CPVL: variants seen among roughly 807,000 people sequenced by gnomAD.
CPVL encodes the protein probable serine carboxypeptidase CPVL.
A neutral mutation model predicts 63.7 loss-of-function variants in CPVL; 51 were observed. That is an observed-to-expected ratio of 0.80 (90% confidence interval 0.64 to 1.01). The LOEUF (loss-of-function observed/expected upper bound fraction) is 1.01. CPVL is among the 50% of genes least tolerant of loss of function. CPVL has a pLI of 0.00. For missense variants in CPVL, 530 were observed against 573.1 expected (o/e 0.92, Z 0.77); for synonymous variants, 195 against 206.0 (o/e 0.95, Z 0.46).
intron 2 of CPVL, among the ~76,000 whole-genome samples, chr7:29,118,274 C>T (rs1198695350): frequency 6.6e-6 from 1 of 152,216 alleles, no homozygotes; most frequent in Non-Finnish European, 1.5e-5. Flanking sequence ...TTGGTTATAA[C>T]AATTACTTAA....
upstream of CPVL, among the ~76,000 whole-genome samples, chr7:29,149,117 T>A (rs1793202562): frequency 6.6e-6 from 1 of 151,260 alleles, no homozygotes; most frequent in East Asian, 1.9e-4. Flanking sequence ...GGAGCCAGCT[T>A]GGAAAGGGCA....
chr7:29,107,625 G>A (rs905476114), intron 3 of CPVL, among the ~76,000 whole-genome samples: 3 of 152,168 alleles, frequency 2.0e-5, no homozygotes, highest in Admixed American at 6.5e-5. Flanking sequence ...GGACCACTGT[G>A]GAGCACATTA....
chr7:29,079,422 G>T (rs1784496998), intron 7 of CPVL, among the ~76,000 whole-genome samples: 2 of 152,102 alleles, frequency 1.3e-5, no homozygotes, highest in Non-Finnish European at 2.9e-5. Context: ...TTTCTGGCTG[G>T]GTGACCTTGG....
chr7:29,168,990 A>G (rs2128722040), intron 5 of CPVL, among the ~76,000 whole-genome samples: 1 of 152,316 alleles, frequency 6.6e-6, no homozygotes, highest in African/African-American at 2.4e-5. Context: ...TTTGATGAAA[A>G]TGGAAGTCCT....
chr7:29,030,462 A>C, intron 12 of CPVL, 115 bp downstream of exon 12: 1 of 957,138 alleles, frequency 1.0e-6, no homozygotes. Context: ...GAAGACACAC[A>C]CTGGCTGTTG....
At chr7:29,032,514 G>A (rs1411243088) in intron 11 of CPVL, among the ~76,000 whole-genome samples, 1 of 152,166 alleles carries the variant, frequency 6.6e-6, no homozygotes, top group African/African-American at 2.4e-5. Context: ...CATGGCCTCT[G>A]CAAAACCTCC....
chr7:29,160,383 C>T (rs1347305471), intron 5 of CPVL, among the ~76,000 whole-genome samples: 1 of 152,130 alleles, frequency 6.6e-6, no homozygotes, highest in Non-Finnish European at 1.5e-5. Context: ...CTGGCTTATC[C>T]ATGTCATTCC....
intron 12 of CPVL, among the ~76,000 whole-genome samples, chr7:29,029,250 TA>T (rs35169964): frequency 0.16 from 24,190 of 151,966 alleles, 1,983 homozygotes; most frequent in Middle Eastern, 0.24. Flanking sequence ...TGGAGGTTTC[TA>T]AAAAAAACTA....
intron 1 of CPVL, among the ~76,000 whole-genome samples, chr7:29,139,457 T>A (rs988386564): frequency 6.6e-6 from 1 of 151,288 alleles, no homozygotes; most frequent in African/African-American, 2.4e-5. Flanking sequence ...CCACATCTGC[T>A]CTAGGTGCCC....
chr7:29,132,750 A>C (rs1790823097), intron 1 of CPVL, among the ~76,000 whole-genome samples: 1 of 152,192 alleles, frequency 6.6e-6, no homozygotes, highest in Non-Finnish European at 1.5e-5. Flanking sequence ...AGAAAGACAA[A>C]GTGCTGTGTT....
intron 12 of CPVL, among the ~76,000 whole-genome samples, chr7:28,997,582 T>C (rs985176278): frequency 1.3e-5 from 2 of 152,162 alleles, no homozygotes; most frequent in Non-Finnish European, 2.9e-5. Flanking sequence ...CACATGAGCA[T>C]TGAGATGACT....
chr7:29,013,999 C>A (rs143854124), intron 12 of CPVL, among the ~76,000 whole-genome samples: 154 of 152,350 alleles, frequency 1.0e-3, no homozygotes, highest in Non-Finnish European at 1.7e-3. Flanking sequence ...TTGGTCCAGT[C>A]TTGCTCCTAT....
chr7:29,091,415 C>A (rs748004422), intron 6 of CPVL, among the ~76,000 whole-genome samples: 4 of 142,448 alleles, frequency 2.8e-5, no homozygotes, highest in African/African-American at 7.9e-5. Context: ...GAGGTGGGGG[C>A]GGGGAGTAGG....
exon 1 of CPVL, chr7:29,195,112 C>T: frequency 1.9e-6 from 2 of 1,066,132 alleles, no homozygotes; most frequent in Non-Finnish European, 2.6e-6. Context: ...GGAATGGGGG[C>T]AGGCGTCCGG....
rs1451074156 is a variant in CPVL, at chr7:28,995,452, C to CACTT, written c.*316_*319dup. On this transcript the variant is annotated 3_prime_UTR_variant, in exon 13 of 13. Coordinates refer to ENST00000265394, the MANE Select transcript of CPVL (RefSeq NM_031311.5). The stretch of plus-strand genomic sequence containing the variant: ...CTTTGTTTGTTACAACTGCACTTTT[C>CACTT]ACTTACTCTTAGAAGAAATTAAAAC... The CACTT allele has an allele frequency of 2.2e-5, 5 of 222,684 alleles. 1 individual carries two copies. The highest frequency in any genetic ancestry group is 7.9e-5 in the South Asian group (1 of 12,724). The allele number at this position is 222,684 out of a possible 1,614,324, so 13.8% of individuals were successfully genotyped here.
intron 12 of CPVL, 85 bp from the exon 13 acceptor site, chr7:28,995,967 A>G (rs1784015948): frequency 5.3e-6 from 4 of 758,758 alleles, no homozygotes; most frequent in African/African-American, 1.8e-5. Flanking sequence ...ATTAAACTCT[A>G]TTTAAAACTC....
chr7:29,155,544 T>G (rs950273868), intron 5 of CPVL, among the ~76,000 whole-genome samples: 1 of 152,212 alleles, frequency 6.6e-6, no homozygotes, highest in Non-Finnish European at 1.5e-5. Context: ...AAAGAGCTAC[T>G]GAGTGTCAGA....
At chr7:29,147,131 C>A, upstream of CPVL, 1 of 872,058 alleles carries the variant, frequency 1.1e-6, no homozygotes, top group Non-Finnish European at 1.7e-6. Flanking sequence ...TGTAAGTGAC[C>A]TGAGTGTATA....
chr7:29,038,751 G>T (rs901624174), intron 11 of CPVL, among the ~76,000 whole-genome samples: 1 of 152,170 alleles, frequency 6.6e-6, no homozygotes, highest in African/African-American at 2.4e-5. Context: ...GGGTAAAAAA[G>T]ATCAGTAGGT....
Sources: allele counts gnomAD v4.1 joint callset (sites outside exome capture counted in the v4.1 genomes callset), GRCh38; gene constraint gnomAD v4.1.1; transcripts MANE v1.5; gene names NCBI Gene and HGNC (gene_info 2026-07-23, HGNC 2026-07-21).